The following MTMR3 variants were observed in gnomAD, a reference collection of about 807,000 sequenced individuals.
The protein encoded by MTMR3 is myotubularin related protein 3.
Under a neutral mutation model 132.4 loss-of-function variants are expected in MTMR3, and 32 were observed. The observed-to-expected ratio is 0.24, with a 90% CI of 0.18 to 0.32. MTMR3 has a LOEUF of 0.32. Among genes scored for constraint, MTMR3 ranks in the 10% least tolerant of loss-of-function variants. The pLI is 1.00. For synonymous variants in MTMR3, 556 were observed against 550.3 expected (o/e 1.01, Z -0.14); for missense variants, 1,216 against 1,489.6 (o/e 0.82, Z 3.02).
chr22:29,945,514 A>G (rs2145820429), intron 1 of MTMR3, among the ~76,000 whole-genome samples: 1 of 151,822 alleles, frequency 6.6e-6, no homozygotes, highest in South Asian at 2.1e-4. Context: ...AGCCTGGGTA[A>G]AGCGAGATCC....
chr22:29,909,764 T>G (rs1220762387), intron 1 of MTMR3, among the ~76,000 whole-genome samples: 1 of 152,166 alleles, frequency 6.6e-6, no homozygotes, highest in Non-Finnish European at 1.5e-5. Context: ...AATATCACCA[T>G]ATATGTAATT....
At chr22:29,914,580 C>G (rs1271481957) in intron 1 of MTMR3, among the ~76,000 whole-genome samples, 1 of 151,870 alleles carries the variant, frequency 6.6e-6, no homozygotes, top group African/African-American at 2.4e-5. Flanking sequence ...TTTCAGAGAG[C>G]AAAAACTTAA....
Position 29,979,069 on chromosome 22 carries a change from T to TG in MTMR3, c.210+18dup, listed in dbSNP as rs776729182. The TG allele has an allele frequency of 7.9e-6, 12 of 1,513,912 alleles. No individual in the cohort carries two copies. Among genetic ancestry groups the TG allele is most frequent in the Middle Eastern group, 1.7e-4 (1 of 5,864 alleles). 93.8% of individuals were successfully genotyped at this position (1,513,912 alleles called of 1,614,324 possible). A position where few individuals can be genotyped will look rare whatever the true frequency, so the allele number is the denominator to read the frequency against. Reference sequence around the variant, plus strand: ...CTTGTTAATGTAAGTGATTACCAGCTGTTCTCCCTCTAAGGTAAATGGAGA... The same window carrying TG: ...CTTGTTAATGTAAGTGATTACCAGCTGGTTCTCCCTCTAAGGTAAATGGAGA... On this transcript the variant is annotated intron_variant, in intron 5 of 19. Coordinates refer to ENST00000401950, the MANE Select transcript of MTMR3 (RefSeq NM_021090.4).
At chr22:29,890,153 G>A (rs2064767681) in intron 1 of MTMR3, among the ~76,000 whole-genome samples, 1 of 151,776 alleles carries the variant, frequency 6.6e-6, no homozygotes, top group East Asian at 2.0e-4. Context: ...TGATCCACCT[G>A]CCTCCGCCTC....
chr22:30,015,595 C>T (rs1322513857), intron 14 of MTMR3: 1 of 148,328 alleles, frequency 6.7e-6, no homozygotes, highest in East Asian at 2.0e-4. Context: ...TATTTATTGC[C>T]ACCTTTACTG....
At position 30,022,790 on chromosome 22, in the gene MTMR3, G is replaced by T. The variant is rs2067797988; in HGVS notation, c.3425+93G>T. 6 of 1,156,254 alleles carry T rather than the reference G, an allele frequency of 5.2e-6. No homozygotes were observed. In the South Asian group the frequency reaches 6.6e-5, roughly 13 times the overall value. The allele number at this position is 1,156,254 out of a possible 1,614,324, so 71.6% of individuals were successfully genotyped here. A position where few individuals can be genotyped will look rare whatever the true frequency, so the allele number is the denominator to read the frequency against. ...AGAGTAGAGGGTTGTGGGTATCTCA[G>T]TGTTCTGTCTGAGGCAGAGCCATGG... On this transcript the variant is annotated intron_variant, in intron 19 of 19. Coordinates refer to ENST00000401950, the MANE Select transcript of MTMR3 (RefSeq NM_021090.4).
intron 9 of MTMR3, chr22:30,003,769 G>T (rs1405131794): frequency 2.0e-5 from 3 of 152,148 alleles, no homozygotes; most frequent in Non-Finnish European, 4.4e-5. Flanking sequence ...TGCTGCTTTT[G>T]TAATTCATTG....
intron 3 of MTMR3, among the ~76,000 whole-genome samples, chr22:29,972,730 T>C (rs1336294906): frequency 1.3e-5 from 2 of 152,048 alleles, no homozygotes; most frequent in Non-Finnish European, 2.9e-5. Flanking sequence ...GCCACCATGC[T>C]TAGCTAATTT....
At chr22:29,978,794 C>A in intron 4 of MTMR3, 142 bp from the exon 5 acceptor site, 1 of 689,570 alleles carries the variant, frequency 1.5e-6, no homozygotes, top group Non-Finnish European at 2.5e-6. Flanking sequence ...TAAACCCATC[C>A]TCTTTAGCTT....
At position 30,002,904 on chromosome 22, in the gene MTMR3, G is replaced by A; in HGVS notation, c.582G>A (p.Glu194=). 6.2e-7 allele frequency: 1 copy of A among 1,613,836 alleles called. No individual in the cohort carries two copies. The highest frequency in any genetic ancestry group is 1.7e-5 in the Admixed American group (1 of 60,016). The change falls in exon 9 of 20, where the codon GAG becomes GAA. Residue 194 remains glutamate (E), a synonymous_variant. Transcript: ENST00000401950. ...KYKLCGSYPQ[E]LIVPAWITDK... ...GATTATGTGGTAGCTATCCTCAAGA[G>A]CTCATAGTGCCTGCCTGGATCACTG...
intron 9 of MTMR3, 71 bp downstream of exon 9, chr22:30,003,064 C>T: frequency 8.2e-7 from 1 of 1,215,322 alleles, no homozygotes; most frequent in South Asian, 1.2e-5. Context: ...GCTGCCTCTG[C>T]TGCTGCTAAC....
chr22:29,891,114 A>G (rs561759265), intron 1 of MTMR3, among the ~76,000 whole-genome samples: 1 of 142,848 alleles, frequency 7.0e-6, no homozygotes, highest in South Asian at 2.2e-4. Context: ...GAAAAGAGAA[A>G]AAGAAAAAAA....
intron 5 of MTMR3, chr22:29,979,545 A>C (rs7284538): frequency 4.8e-6 from 1 of 208,154 alleles, no homozygotes; most frequent in African/African-American, 2.4e-5. Context: ...AGCAGCTCTT[A>C]TGCTTGATTT....
chr22:30,013,284 G>A lies in MTMR3; in HGVS notation c.1318-72G>A, dbSNP rs1345409509. The A allele has an allele frequency of 5.3e-6, 8 of 1,515,168 alleles. No individual in the cohort carries two copies. In the Admixed American group the frequency reaches 1.5e-4, roughly 28 times the overall value. 93.9% of individuals were successfully genotyped at this position (1,515,168 alleles called of 1,614,324 possible). On this transcript the variant is annotated intron_variant, in intron 13 of 19. Coordinates refer to ENST00000401950, the MANE Select transcript of MTMR3 (RefSeq NM_021090.4). Reference sequence around the variant, plus strand: ...GCTGTTAGAGGGGATTGCTTTCTGTGACACCAGGCTTAGGACTGTCACAGT... The same window carrying A: ...GCTGTTAGAGGGGATTGCTTTCTGTAACACCAGGCTTAGGACTGTCACAGT...
chr22:29,914,630 AATG>A (rs1260228457), intron 1 of MTMR3, among the ~76,000 whole-genome samples: 1 of 151,846 alleles, frequency 6.6e-6, no homozygotes, highest in African/African-American at 2.4e-5. Context: ...TTTTTGAGTT[AATG>A]ATCTTTTTAA....
chr22:29,921,840 T>C (rs1431504435), intron 1 of MTMR3, among the ~76,000 whole-genome samples: 2 of 151,200 alleles, frequency 1.3e-5, no homozygotes, highest in Admixed American at 6.6e-5. Context: ...TACATCCATG[T>C]CTTTTTTTTT....
At chr22:29,960,408 TAA>T (rs1304502525) in intron 2 of MTMR3, among the ~76,000 whole-genome samples, 2 of 152,186 alleles carry the variant, frequency 1.3e-5, no homozygotes, top group African/African-American at 2.4e-5. Context: ...TAGTAAGAAT[TAA>T]AGAGATATTT....
chr22:29,991,230 A>G (rs2145909115), intron 6 of MTMR3: 1 of 226,710 alleles, frequency 4.4e-6, no homozygotes, highest in Admixed American at 5.7e-5. Context: ...ATTTTTCTGT[A>G]ATAATTGTCA....
chr22:29,991,013 C>A (rs2145908719), intron 6 of MTMR3: 1 of 152,524 alleles, frequency 6.6e-6, no homozygotes, highest in East Asian at 1.9e-4. Context: ...TCAGTGCAAT[C>A]TGTCTTTTGG....
Sources: allele counts gnomAD v4.1 joint callset (sites outside exome capture counted in the v4.1 genomes callset), GRCh38; gene constraint gnomAD v4.1.1; transcripts MANE v1.5; gene names NCBI Gene and HGNC (gene_info 2026-07-23, HGNC 2026-07-21).